The following FER1L6 variants were observed in gnomAD, a reference collection of about 807,000 sequenced individuals.
The protein encoded by FER1L6 is fer-1-like protein 6.
A neutral mutation model predicts 219.2 loss-of-function variants in FER1L6; 177 were observed. The observed-to-expected ratio is 0.81, with a 90% CI of 0.71 to 0.91. The LOEUF (loss-of-function observed/expected upper bound fraction) is 0.91. Among genes scored for constraint, FER1L6 ranks in the 40% least tolerant of loss-of-function variants. The probability of loss-of-function intolerance (pLI) is 0.00; values close to 1 mark genes in which losing one functional copy is unlikely to be tolerated. For synonymous variants in FER1L6, 768 were observed against 824.3 expected, an observed-to-expected ratio of 0.93 and a Z score of 1.17; for missense variants, 2,153 against 2,259.9, an observed-to-expected ratio of 0.95 and a Z score of 0.96.
chr8:124,004,551 C>T (rs1199056603), intron 13 of FER1L6, among the ~76,000 whole-genome samples: 1 of 152,076 alleles, frequency 6.6e-6, no homozygotes, highest in African/African-American at 2.4e-5. Context: ...CTAGACAGCC[C>T]TCTTTCCTGA....
At chr8:124,109,547 G>C (rs1311723070) in intron 39 of FER1L6, among the ~76,000 whole-genome samples, 1 of 152,190 alleles carries the variant, frequency 6.6e-6, no homozygotes, top group East Asian at 1.9e-4. Flanking sequence ...GCCTTACCGA[G>C]GACTCCCATA....
At position 123,930,322 on chromosome 8, in the gene FER1L6, A is replaced by G. The variant is rs536726560; in HGVS notation, c.-7-25670A>G. 1.5e-4 allele frequency among the ~76,000 whole-genome samples: 22 copies of G among 151,408 alleles called. 1 individual carries two copies. Among genetic ancestry groups the G allele is most frequent in the African/African-American group, 4.1e-4 (17 of 41,356 alleles). On this transcript the variant is annotated intron_variant, in intron 1 of 40. Transcript: ENST00000522917. ...CACATGTTGTCTATCTCTATTTTTTATAACCACAGCTTCCTCCCTCCCTGA... is the reference window on the plus strand; with the variant it reads ...CACATGTTGTCTATCTCTATTTTTTGTAACCACAGCTTCCTCCCTCCCTGA...
chr8:123,926,088 A>T (rs78756489), intron 1 of FER1L6, among the ~76,000 whole-genome samples: 3,613 of 152,192 alleles, frequency 0.024, 69 homozygotes, highest in East Asian at 0.075. Flanking sequence ...CAACATTTAT[A>T]AAAAAATGCA....
chr8:124,053,683 TC>T (rs1586644139), intron 22 of FER1L6, among the ~76,000 whole-genome samples: 1 of 151,946 alleles, frequency 6.6e-6, no homozygotes, highest in East Asian at 1.9e-4. Context: ...CATAGTGGGA[TC>T]CCCGTCTCTA....
chr8:124,078,760 G>A (rs539225104), intron 32 of FER1L6, among the ~76,000 whole-genome samples: 1 of 150,866 alleles, frequency 6.6e-6, no homozygotes, highest in African/African-American at 2.4e-5. Flanking sequence ...GCAAAGTCCA[G>A]AGTGTAGGGA....
intron 13 of FER1L6, among the ~76,000 whole-genome samples, chr8:124,007,553 A>G (rs990797623): frequency 2.0e-5 from 3 of 152,184 alleles, no homozygotes; most frequent in African/African-American, 7.2e-5. Context: ...TAAAATCTAT[A>G]AATTAACTGC....
At chr8:124,038,620 C>T (rs1051678047) in intron 19 of FER1L6, among the ~76,000 whole-genome samples, 1 of 152,154 alleles carries the variant, frequency 6.6e-6, no homozygotes, top group African/African-American at 2.4e-5. Context: ...CTGAGCCCTT[C>T]AGTTCTCTTC....
In FER1L6 at chr8:123,980,826, T is replaced by G. The variant is rs2130337219; in HGVS notation, c.1410+15T>G. The G allele has an allele frequency of 6.3e-7, 1 of 1,593,896 alleles. No individual in the cohort carries two copies. The highest frequency in any genetic ancestry group is 1.7e-5 in the Admixed American group (1 of 58,926). On this transcript the variant is annotated intron_variant, in intron 11 of 40. Coordinates refer to ENST00000522917, the MANE Select transcript of FER1L6 (RefSeq NM_001039112.2). ...TCCCCCCGGAGGTAGGTCTAGGCACTGCATTATGGTACTTTACCTATGAGG... is the reference window on the plus strand; with the variant it reads ...TCCCCCCGGAGGTAGGTCTAGGCACGGCATTATGGTACTTTACCTATGAGG...
At chr8:123,979,755 A>G (rs1214997093) in intron 10 of FER1L6, among the ~76,000 whole-genome samples, 1 of 152,246 alleles carries the variant, frequency 6.6e-6, no homozygotes. Flanking sequence ...TCCTTGAACC[A>G]GTTAGCCTTC....
At chr8:123,865,398 G>C in intron 1 of FER1L6, among the ~76,000 whole-genome samples, 1 of 150,350 alleles carries the variant, frequency 6.7e-6, no homozygotes, top group Non-Finnish European at 1.5e-5. Context: ...GTCAGACAGG[G>C]ACATTTAAGT....
intron 12 of FER1L6, among the ~76,000 whole-genome samples, chr8:123,997,503 T>C (rs1157712923): frequency 6.6e-6 from 1 of 152,166 alleles, no homozygotes; most frequent in East Asian, 1.9e-4. Flanking sequence ...TTGGATTAAA[T>C]CTGCTTGGTG....
At chr8:124,075,812 C>T (rs1009282675) in intron 31 of FER1L6, among the ~76,000 whole-genome samples, 3 of 152,126 alleles carry the variant, frequency 2.0e-5, no homozygotes, top group Non-Finnish European at 4.4e-5. Flanking sequence ...AGTCCTTGAC[C>T]AAGACATCAT....
chr8:123,865,630 G>A (rs1214004700), intron 1 of FER1L6, among the ~76,000 whole-genome samples: 3 of 151,270 alleles, frequency 2.0e-5, no homozygotes, highest in African/African-American at 7.4e-5. Context: ...AGCAATCAGC[G>A]AGATTCCGTG....
intron 38 of FER1L6, among the ~76,000 whole-genome samples, 165 bp downstream of exon 38, chr8:124,101,503 A>G (rs981116916): frequency 2.0e-5 from 3 of 152,238 alleles, no homozygotes; most frequent in Non-Finnish European, 4.4e-5. Flanking sequence ...TGGTTAAATG[A>G]GTGATGGTAC....
rs1820446900 is a variant in FER1L6 at position 124,059,246 on chromosome 8, CT to C, written c.2875-932del. Among the ~76,000 whole-genome samples the C allele has an allele frequency of 4.6e-5, 7 of 152,160 alleles. No homozygotes were observed. In the South Asian group the frequency reaches 1.5e-3, roughly 32 times the overall value. ...AATAGAACATATGATTCCCAAGGAGCTTGATGGGTCATCTGGCCCAATATCT... is the reference window on the plus strand; with the variant it reads ...AATAGAACATATGATTCCCAAGGAGCTGATGGGTCATCTGGCCCAATATCT... On this transcript the variant is annotated intron_variant, in intron 22 of 40. Transcript: ENST00000522917.
At chr8:124,076,536 C>T (rs554018741) in intron 32 of FER1L6, among the ~76,000 whole-genome samples, 1 of 152,282 alleles carries the variant, frequency 6.6e-6, no homozygotes, top group East Asian at 1.9e-4. Context: ...TTTGGTGGTA[C>T]TTGGTGATCT....
chr8:124,101,166 C>CA lies in FER1L6; in HGVS notation c.4955dup (p.Asn1652LysfsTer16), dbSNP rs1172163551. 5 of 1,613,710 alleles carry CA rather than the reference C, an allele frequency of 3.1e-6. No homozygotes were observed. The African/African-American group carries it at 5.3e-5, about 17-fold the overall frequency. On this transcript the variant is annotated frameshift_variant, in exon 38 of 41. Coordinates refer to ENST00000522917, the MANE Select transcript of FER1L6 (RefSeq NM_001039112.2). LOFTEE classifies it high-confidence loss of function. ...ATTACAACTCCCTGACTGGAGAGGG[C>CA]AACTTCAACTGGCGCTTCCTGTTTC... is the stretch of plus-strand genomic sequence containing the variant.
intron 19 of FER1L6, chr8:124,036,170 G>T (rs2130710310): frequency 6.6e-6 from 1 of 152,190 alleles, no homozygotes; most frequent in East Asian, 1.9e-4. Flanking sequence ...TTGAGTTTTG[G>T]GTTGAGCCAA....
At chr8:123,980,338 T>C in intron 10 of FER1L6, 127 bp from the exon 11 acceptor site, 1 of 754,836 alleles carries the variant, frequency 1.3e-6, no homozygotes, top group Non-Finnish European at 2.1e-6. Context: ...CGTTGTCTTT[T>C]GGTCATGGGA....
Sources: allele counts gnomAD v4.1 joint callset (sites outside exome capture counted in the v4.1 genomes callset), GRCh38; gene constraint gnomAD v4.1.1; transcripts MANE v1.5; gene names NCBI Gene and HGNC (gene_info 2026-07-23, HGNC 2026-07-21).